The following CREBBP variants were observed in gnomAD, a reference collection of about 807,000 sequenced individuals.
CREBBP encodes CREB binding lysine acetyltransferase, also known as CREB-binding protein.
A neutral mutation model predicts 265.0 loss-of-function variants in CREBBP; 19 were observed. The ratio of observed to expected loss-of-function variants is 0.07; its 90% CI spans 0.05 to 0.11. CREBBP has a LOEUF of 0.11. CREBBP is among the 10% of genes least tolerant of loss of function. The probability of loss-of-function intolerance (pLI) is 1.00; values close to 1 mark genes in which losing one functional copy is unlikely to be tolerated. For missense variants in CREBBP, 2,525 were observed against 3,219.0 expected (o/e 0.78, Z 5.22); for synonymous variants, 1,457 against 1,223.7 (o/e 1.19, Z -3.98).
At chr16:3,777,194 G>A (rs1161437661) in intron 11 of CREBBP, among the ~76,000 whole-genome samples, 3 of 151,150 alleles carry the variant, frequency 2.0e-5, no homozygotes, top group Admixed American at 6.6e-5. Flanking sequence ...AATTAGCCAC[G>A]CGTGGTGGTG....
At chr16:3,782,622 C>T (rs2141251370) in intron 6 of CREBBP, 62 bp downstream of exon 6, 1 of 1,582,816 alleles carries the variant, frequency 6.3e-7, no homozygotes, top group Non-Finnish European at 8.6e-7. Context: ...TGGGTTCCAT[C>T]ACTCCATTCC....
intron 3 of CREBBP, among the ~76,000 whole-genome samples, chr16:3,797,586 A>G (rs1190080296): frequency 6.6e-6 from 1 of 152,190 alleles, no homozygotes; most frequent in Non-Finnish European, 1.5e-5. Flanking sequence ...AATAAAAGCT[A>G]CATGAATGTG....
Position 3,728,422 on chromosome 16 carries a change from G to C in CREBBP, c.6625C>G (p.Gln2209Glu), listed in dbSNP as rs760988505. ...QQQQQQQQQQQQQQQQQQGSA... is the reference protein window; with the variant it reads ...QQQQQQQQQQEQQQQQQQGSA... ...CCTTGCTGCTGCTGCTGTTGCTGCT[G>C]TTGTTGCTGCTGCTGTTGCTGCTGC... The change falls in exon 31 of 31, where the codon CAG becomes GAG. Residue 2209 changes from glutamine (Q) to glutamate (E), a missense_variant. By Grantham distance (29) the Gln-to-Glu change is conservative. Transcript: ENST00000262367. This position sits in a 1 kb window ranked among gnomAD's most constrained non-coding sequence, Gnocchi z 8.7. 2 of 1,612,570 alleles carry C rather than the reference G, an allele frequency of 1.2e-6. No individual in the cohort carries two copies. Among genetic ancestry groups the C allele is most frequent in the Admixed American group, 3.3e-5 (2 of 59,954 alleles).
At chr16:3,866,876 T>C (rs1213094427) in intron 1 of CREBBP, among the ~76,000 whole-genome samples, 1 of 152,154 alleles carries the variant, frequency 6.6e-6, no homozygotes, top group African/African-American at 2.4e-5. Flanking sequence ...TACCCATCAC[T>C]CTCCCTCAAC....
intron 14 of CREBBP, among the ~76,000 whole-genome samples, chr16:3,769,900 TCA>T (rs981749231): frequency 1.1e-4 from 17 of 152,214 alleles, no homozygotes; most frequent in Admixed American, 1.1e-3. Context: ...AGACGGAGTC[TCA>T]CTCTGTCACC....
At chr16:3,817,126 G>A (rs1158007502) in intron 2 of CREBBP, among the ~76,000 whole-genome samples, 2 of 152,192 alleles carry the variant, frequency 1.3e-5, no homozygotes, top group Non-Finnish European at 2.9e-5. Flanking sequence ...TTTCAGAATG[G>A]TGAAACGGGT....
intron 2 of CREBBP, among the ~76,000 whole-genome samples, chr16:3,821,779 C>T (rs1473792737): frequency 6.6e-6 from 1 of 152,166 alleles, no homozygotes; most frequent in Non-Finnish European, 1.5e-5. Flanking sequence ...CCTGTAATCC[C>T]AGCACTTTGA....
chr16:3,859,126 G>A (rs1048448996), intron 1 of CREBBP, among the ~76,000 whole-genome samples: 1 of 151,270 alleles, frequency 6.6e-6, no homozygotes, highest in Admixed American at 6.6e-5. Flanking sequence ...CTATGTATTT[G>A]GTCTTCCACC....
At chr16:3,839,153 A>G (rs973077988) in intron 2 of CREBBP, among the ~76,000 whole-genome samples, 1 of 152,328 alleles carries the variant, frequency 6.6e-6, no homozygotes, top group Admixed American at 6.5e-5. Flanking sequence ...ACTAAAACCC[A>G]GAGAGATTAA....
intron 2 of CREBBP, among the ~76,000 whole-genome samples, chr16:3,844,127 G>A (rs553541145): frequency 1.2e-4 from 13 of 112,664 alleles, no homozygotes; most frequent in Admixed American, 6.7e-4. Context: ...CAGCCTGGGC[G>A]ACAGAGCGAG....
chr16:3,796,922 T>C (rs530639010), intron 3 of CREBBP, among the ~76,000 whole-genome samples: 67 of 152,344 alleles, frequency 4.4e-4, no homozygotes, highest in African/African-American at 1.5e-3. Flanking sequence ...GTCTCTGTCT[T>C]TCCCCATGGA....
chr16:3,872,279 C>T (rs189086317), intron 1 of CREBBP, among the ~76,000 whole-genome samples: 1 of 152,238 alleles, frequency 6.6e-6, no homozygotes, highest in Admixed American at 6.5e-5. Context: ...TACTTCCATG[C>T]CTTTCACACA....
chr16:3,728,177 G>A lies in CREBBP; in HGVS notation c.6870C>T (p.Ala2290=), dbSNP rs2151300902. 1.2e-6 allele frequency: 2 copies of A among 1,614,050 alleles called. No individual in the cohort carries two copies. Among genetic ancestry groups the A allele is most frequent in the Non-Finnish European group, 1.7e-6 (2 of 1,180,012 alleles). ...GTTGCTGCAGAATCCGCTGCTGCAG[G>A]GCTTGCTGGATGTTGGGGGTGCTGT... ...GADSTPNIQQ[A]LQQRILQQQQ... The change falls in exon 31 of 31, where the codon GCC becomes GCT. Residue 2290 remains alanine, a synonymous_variant. Transcript: ENST00000262367. The surrounding 1 kb of genome is among the most constrained non-coding windows in gnomAD (Gnocchi z 8.7).
chr16:3,845,379 A>G (rs2054645281), intron 2 of CREBBP, among the ~76,000 whole-genome samples: 1 of 152,240 alleles, frequency 6.6e-6, no homozygotes, highest in Admixed American at 6.5e-5. Context: ...GCAAAGGTCA[A>G]TGGAACTAAA....
intron 8 of CREBBP, among the ~76,000 whole-genome samples, chr16:3,779,444 A>T (rs1378202145): frequency 6.6e-6 from 1 of 152,136 alleles, no homozygotes; most frequent in Non-Finnish European, 1.5e-5. Context: ...AAAGCACTGG[A>T]ATTACACGTG....
chr16:3,736,504 A>G, intron 27 of CREBBP, 146 bp downstream of exon 27: 1 of 1,225,888 alleles, frequency 8.2e-7, no homozygotes. Context: ...AATGCTTCTA[A>G]GTTCTCACTT....
intron 28 of CREBBP, among the ~76,000 whole-genome samples, chr16:3,735,210 G>A (rs1194978304): frequency 1.3e-5 from 2 of 152,170 alleles, no homozygotes; most frequent in African/African-American, 4.8e-5. Context: ...TCAGAGCTCT[G>A]CCACGCTCAG....
chr16:3,849,491 T>C (rs1430421726), intron 2 of CREBBP, among the ~76,000 whole-genome samples: 1 of 110,808 alleles, frequency 9.0e-6, no homozygotes, highest in African/African-American at 3.9e-5. Context: ...GTGTGTGTGA[T>C]GTGCGTGACC....
intron 2 of CREBBP, among the ~76,000 whole-genome samples, chr16:3,823,237 G>T (rs1162715002): frequency 6.6e-6 from 1 of 152,074 alleles, no homozygotes; most frequent in Non-Finnish European, 1.5e-5. Flanking sequence ...TCTTAAAGTC[G>T]TTCTCTACTC....
Sources: gnomAD v4.1 joint callset for allele counts (sites outside exome capture counted in the v4.1 genomes callset) on GRCh38, gnomAD v4.1.1 for gene constraint, Gnocchi (gnomAD v3.1) non-coding constraint, MANE v1.5 for transcripts, NCBI Gene and HGNC (gene_info 2026-07-23, HGNC 2026-07-21) for gene names.